The following GADL1 variants were observed in gnomAD, a reference collection of about 807,000 sequenced individuals.
GADL1 encodes the protein GAD like acidic amino acid decarboxylase 1.
Under a neutral mutation model 69.5 loss-of-function variants are expected in GADL1, and 71 were observed. The observed-to-expected ratio is 1.02, with a 90% CI of 0.84 to 1.25. GADL1 has a LOEUF of 1.25. Ranked by LOEUF, GADL1 falls within the 50% of genes most tolerant of loss-of-function variation. GADL1 has a pLI of 0.00. For missense variants in GADL1, 737 were observed against 631.8 expected, an observed-to-expected ratio of 1.17 and a Z score of -1.79; for synonymous variants, 254 against 214.4, an observed-to-expected ratio of 1.18 and a Z score of -1.62.
intron 14 of GADL1, among the ~76,000 whole-genome samples, chr3:30,728,929 G>A (rs9819139): frequency 0.27 from 40,913 of 151,826 alleles, 5,911 homozygotes; most frequent in Non-Finnish European, 0.33. Flanking sequence ...AACAAATATG[G>A]ATATTATGTA....
intron 13 of GADL1, among the ~76,000 whole-genome samples, chr3:30,785,286 T>C (rs1194504017): frequency 6.6e-6 from 1 of 152,166 alleles, no homozygotes; most frequent in African/African-American, 2.4e-5. Flanking sequence ...GGGGACCTTT[T>C]CTGTTTTCTA....
chr3:30,735,350 G>T (rs1407067497), intron 14 of GADL1, among the ~76,000 whole-genome samples: 4 of 151,984 alleles, frequency 2.6e-5, no homozygotes, highest in Non-Finnish European at 5.9e-5. Flanking sequence ...CATGAAAAAA[G>T]AAATGTGAAT....
At chr3:30,762,270 A>G (rs1696156180) in intron 14 of GADL1, among the ~76,000 whole-genome samples, 1 of 152,212 alleles carries the variant, frequency 6.6e-6, no homozygotes. Context: ...GCAGTAATCT[A>G]GGTGAGAAAA....
chr3:30,867,317 A>T (rs560131946), intron 1 of GADL1, among the ~76,000 whole-genome samples: 1 of 151,192 alleles, frequency 6.6e-6, no homozygotes, highest in Non-Finnish European at 1.5e-5. Flanking sequence ...CAAAACTTCA[A>T]ATCTTCAGTT....
At chr3:30,800,649 G>A in intron 12 of GADL1, 1 of 520,304 alleles carries the variant, frequency 1.9e-6, no homozygotes, top group Non-Finnish European at 3.5e-6. Context: ...CTAGGATCTT[G>A]GAGGGAGGTG....
At chr3:30,789,958 T>G (rs1325331053) in intron 12 of GADL1, among the ~76,000 whole-genome samples, 1 of 152,220 alleles carries the variant, frequency 6.6e-6, no homozygotes, top group Non-Finnish European at 1.5e-5. Context: ...TTCTTATTAT[T>G]CATGTATTCA....
At chr3:30,843,817 A>G (rs1436975061) in intron 8 of GADL1, among the ~76,000 whole-genome samples, 2 of 152,186 alleles carry the variant, frequency 1.3e-5, no homozygotes, top group African/African-American at 4.8e-5. Context: ...CAGCCCAGAG[A>G]AAATTGGTTT....
At chr3:30,820,765 G>T (rs540408415) in intron 11 of GADL1, among the ~76,000 whole-genome samples, 2 of 151,846 alleles carry the variant, frequency 1.3e-5, no homozygotes, top group South Asian at 4.2e-4. Flanking sequence ...TCAGTGTGGC[G>T]ATTCCTCAGG....
chr3:30,751,819 G>GCTTTTTTTGTCT (rs1201126103), intron 14 of GADL1, among the ~76,000 whole-genome samples: 1 of 152,118 alleles, frequency 6.6e-6, no homozygotes, highest in Non-Finnish European at 1.5e-5. Flanking sequence ...CCCTTGGAAA[G>GCTTTTTTTGTCT]CTTTTTTTGT....
At chr3:30,884,755 G>A (rs1698681945) in intron 1 of GADL1, among the ~76,000 whole-genome samples, 1 of 152,036 alleles carries the variant, frequency 6.6e-6, no homozygotes, top group East Asian at 1.9e-4. Flanking sequence ...ATACTCCCCA[G>A]AGATTTTCAT....
At chr3:30,795,518 T>G (rs1395117417) in intron 12 of GADL1, among the ~76,000 whole-genome samples, 1 of 152,148 alleles carries the variant, frequency 6.6e-6, no homozygotes, top group Admixed American at 6.6e-5. Flanking sequence ...ACTGGGGCTT[T>G]CTTTAACTTC....
At chr3:30,843,938 G>C (rs1698011353) in intron 8 of GADL1, among the ~76,000 whole-genome samples, 1 of 152,150 alleles carries the variant, frequency 6.6e-6, no homozygotes, top group Non-Finnish European at 1.5e-5. Flanking sequence ...TCCTGAATAC[G>C]GGTGATTTCA....
intron 6 of GADL1, among the ~76,000 whole-genome samples, chr3:30,845,506 T>C (rs964642638): frequency 2.0e-5 from 3 of 152,202 alleles, no homozygotes; most frequent in Non-Finnish European, 2.9e-5. Context: ...ATGTGGTAAT[T>C]TTTTTCCTTT....
chr3:30,754,612 C>CTG (rs1245492623), intron 14 of GADL1, among the ~76,000 whole-genome samples: 1 of 137,844 alleles, frequency 7.3e-6, no homozygotes, highest in Non-Finnish European at 1.5e-5. Flanking sequence ...AGATAGTTGA[C>CTG]TGTAAATGAG....
At chr3:30,753,532 A>G (rs1695886693) in intron 14 of GADL1, among the ~76,000 whole-genome samples, 1 of 151,624 alleles carries the variant, frequency 6.6e-6, no homozygotes, top group Admixed American at 6.6e-5. Flanking sequence ...TGATTAATGA[A>G]AAATCCCTGT....
intron 14 of GADL1, among the ~76,000 whole-genome samples, chr3:30,768,703 G>A (rs564027891): frequency 9.2e-5 from 14 of 152,194 alleles, no homozygotes; most frequent in Non-Finnish European, 1.6e-4. Context: ...CTGAGATAAA[G>A]ATGAAGAAAG....
intron 1 of GADL1, among the ~76,000 whole-genome samples, chr3:30,873,991 T>TA (rs1298046424): frequency 6.6e-6 from 1 of 151,922 alleles, no homozygotes; most frequent in African/African-American, 2.4e-5. Context: ...GGAATGGCAG[T>TA]AAAACCTTTC....
At position 30,800,980 on chromosome 3, in the gene GADL1, T is replaced by C. The variant is rs1424192367; in HGVS notation, c.1159A>G (p.Arg387Gly). ...TGDKSIQCSR[R>G]PDAFKFWMTW... ...ATCCAGAACTTGAATGCATCTGGTC[T>C]TCTGCTACACTGGATAGACTTGTCT... Residue 387 changes from arginine to glycine, a missense_variant, in exon 12 of 15, where the codon AGA becomes GGA. Transcript: ENST00000282538. 1 of 1,613,964 alleles carries C rather than the reference T, an allele frequency of 6.2e-7. No individual in the cohort carries two copies. The highest frequency in any genetic ancestry group is 1.1e-5 in the South Asian group (1 of 91,082).
At chr3:30,752,438 C>T (rs567352846) in intron 14 of GADL1, among the ~76,000 whole-genome samples, 42 of 148,228 alleles carry the variant, frequency 2.8e-4, no homozygotes, top group Non-Finnish European at 4.6e-4. Flanking sequence ...GAGTCTGTGC[C>T]GCAGCCAGTC....
Sources: allele counts gnomAD v4.1 joint callset (sites outside exome capture counted in the v4.1 genomes callset), GRCh38; gene constraint gnomAD v4.1.1; transcripts MANE v1.5; gene names NCBI Gene and HGNC (gene_info 2026-07-23, HGNC 2026-07-21).